The following SCO2 variants were observed in gnomAD, a reference collection of about 807,000 sequenced individuals.
The protein encoded by SCO2 is cytochrome c oxidase assembly factor SCO2.
For missense variants in SCO2, 429 were observed against 348.7 expected, an observed-to-expected ratio of 1.23 and a Z score of -1.83; for synonymous variants, 195 against 148.6, an observed-to-expected ratio of 1.31 and a Z score of -2.27.
At chr22:50,526,359 G>A, upstream of SCO2, 2 of 1,547,708 alleles carry the variant, frequency 1.3e-6, no homozygotes, top group South Asian at 1.2e-5. Flanking sequence ...CACGCCCTGC[G>A]CCGCCAGCAT....
upstream of SCO2, chr22:50,526,119 C>T (rs2069356155): frequency 4.0e-6 from 6 of 1,487,662 alleles, no homozygotes; most frequent in Admixed American, 2.2e-5. Context: ...CCAGCGGCAG[C>T]GCCCGGACCA....
intron 1 of SCO2, chr22:50,524,649 C>T (rs1386757352): frequency 1.1e-5 from 8 of 700,224 alleles, no homozygotes; most frequent in Non-Finnish European, 2.1e-5. Context: ...GATCACCAGC[C>T]TGTCACCGCA....
At chr22:50,526,034 G>A, upstream of SCO2, 2 of 1,478,158 alleles carry the variant, frequency 1.4e-6, no homozygotes, top group Non-Finnish European at 1.8e-6. Flanking sequence ...TCGACCAGCA[G>A]CTCTGCGCCC....
chr22:50,524,424 C>T lies in SCO2; in HGVS notation c.-13G>A. The T allele has an allele frequency of 1.2e-6, 2 of 1,609,098 alleles. No homozygotes were observed. The highest frequency in any genetic ancestry group is 1.1e-5 in the South Asian group (1 of 90,986). ...TCAGCAGCAGCATGGATCTGATGCT[C>T]CTGGAAACAAGCACAGGCGTCAGGA... On this transcript the variant is annotated splice_region_variant and 5_prime_UTR_variant, in exon 2 of 2. Coordinates refer to ENST00000395693, the MANE Select transcript of SCO2 (RefSeq NM_005138.3).
chr22:50,525,647 G>A (rs1053590877), upstream of SCO2: 5 of 1,429,654 alleles, frequency 3.5e-6, no homozygotes, highest in African/African-American at 5.7e-5. Flanking sequence ...CAGGCTCTCA[G>A]CGCGTGCGCG....
Position 50,525,529 on chromosome 22 carries a change from C to T in SCO2, c.-71G>A. ...CACGAGAGGAAGCGCCGACCTCCAG[C>T]TCCCTGCGCTCTGCCCCGCCGGCTC... On this transcript the variant is annotated 5_prime_UTR_variant, in exon 1 of 2. Coordinates refer to ENST00000395693, the MANE Select transcript of SCO2 (RefSeq NM_005138.3). The T allele has an allele frequency of 1.7e-6, 1 of 596,594 alleles. No individual in the cohort carries two copies. Among genetic ancestry groups the T allele is most frequent in the Non-Finnish European group, 2.9e-6 (1 of 348,108 alleles). 37.0% of individuals were successfully genotyped at this position (596,594 alleles called of 1,614,324 possible).
chr22:50,526,312 G>T, upstream of SCO2: 2 of 1,560,276 alleles, frequency 1.3e-6, no homozygotes, highest in Non-Finnish European at 1.7e-6. Flanking sequence ...CGTTCTGCGG[G>T]ACTTCCCGAG....
intron 1 of SCO2, among the ~76,000 whole-genome samples, chr22:50,525,256 C>G (rs1468022199): frequency 6.6e-6 from 1 of 152,246 alleles, no homozygotes; most frequent in Admixed American, 6.5e-5. Context: ...CAGGACCACT[C>G]GAAGCGCCGC....
chr22:50,525,143 C>A (rs1205813054), intron 1 of SCO2, among the ~76,000 whole-genome samples: 2 of 152,256 alleles, frequency 1.3e-5, no homozygotes, highest in Non-Finnish European at 2.9e-5. Flanking sequence ...CTGCCCCCTC[C>A]TGCTGAGGGC....
At position 50,524,258 on chromosome 22, in the gene SCO2, G is replaced by C. The variant is rs768180608; in HGVS notation, c.154C>G (p.Pro52Ala). 6 of 1,604,894 alleles carry C rather than the reference G, an allele frequency of 3.7e-6. No individual in the cohort carries two copies. The highest frequency in any genetic ancestry group is 1.3e-5 in the African/African-American group (1 of 75,026). ...GPAETGGQGQ[P>A]QGPGLRTRLL... is the part of the protein sequence containing the mutation. Reference sequence around the variant, plus strand: ...CGGGTTCGAAGCCCAGGGCCCTGGGGCTGGCCCTGCCCACCTGTCTCTGCA... The same window carrying C: ...CGGGTTCGAAGCCCAGGGCCCTGGGCCTGGCCCTGCCCACCTGTCTCTGCA... The change falls in exon 2 of 2, where the codon CCC becomes GCC. Residue 52 changes from proline (P) to alanine (A), a missense_variant. Coordinates refer to ENST00000395693, the MANE Select transcript of SCO2 (RefSeq NM_005138.3).
chr22:50,524,614 C>A (rs752455267), intron 1 of SCO2, 190 bp from the exon 2 acceptor site: 4 of 711,998 alleles, frequency 5.6e-6, no homozygotes, highest in African/African-American at 1.7e-5. Context: ...GGCAACCACA[C>A]CTGTCACTCC....
chr22:50,525,938 T>TA (rs1412857597), upstream of SCO2: 7 of 1,435,218 alleles, frequency 4.9e-6, no homozygotes, highest in Non-Finnish European at 6.4e-6. Flanking sequence ...GAGGGGCTGT[T>TA]AGAGGCCGCG....
At chr22:50,526,297 G>A, upstream of SCO2, 1 of 1,554,882 alleles carries the variant, frequency 6.4e-7, no homozygotes, top group East Asian at 2.5e-5. Context: ...GGCAGCAGCT[G>A]CCGGCGTTCT....
At chr22:50,525,701 C>G (rs900419421), upstream of SCO2, 52 of 1,566,570 alleles carry the variant, frequency 3.3e-5, 1 homozygote, top group Admixed American at 5.7e-5. Context: ...CGAGACGGCC[C>G]CCGCCTCCGC....
Position 50,524,442 on chromosome 22 carries a change from C to A in SCO2, c.-13-18G>T. 1 of 1,607,064 alleles carries A rather than the reference C, an allele frequency of 6.2e-7. No homozygotes were observed. Among genetic ancestry groups the A allele is most frequent in the East Asian group, 2.2e-5 (1 of 44,622 alleles). On this transcript the variant is annotated intron_variant, in intron 1 of 1. Coordinates refer to ENST00000395693, the MANE Select transcript of SCO2 (RefSeq NM_005138.3). ...TGATGCTCCTGGAAACAAGCACAGG[C>A]GTCAGGAGCCAGAAGGGAAGGCCCA...
chr22:50,524,053 C>CG lies in SCO2; in HGVS notation c.358dup (p.Arg120ProfsTer16), dbSNP rs763990034. On this transcript the variant is annotated frameshift_variant, in exon 2 of 2. Coordinates refer to ENST00000395693, the MANE Select transcript of SCO2 (RefSeq NM_005138.3). LOFTEE classifies it low-confidence loss of function (END_TRUNC). ...AAAGTACATCAGCACCCACTGGCCC[C>CG]GGAAGTCAGCCTTGCAGCGAGCCCG... The CG allele has an allele frequency of 6.2e-7, 1 of 1,613,296 alleles. No individual in the cohort carries two copies. The highest frequency in any genetic ancestry group is 1.3e-5 in the African/African-American group (1 of 74,924).
chr22:50,524,083 CTG>C lies in SCO2; in HGVS notation c.327_328del (p.His109GlnfsTer9), dbSNP rs1403421269. 9.9e-6 allele frequency: 16 copies of C among 1,613,210 alleles called. No individual in the cohort carries two copies. The highest frequency in any genetic ancestry group is 1.4e-5 in the Non-Finnish European group (16 of 1,180,014). On this transcript the variant is annotated frameshift_variant, in exon 2 of 2. Transcript: ENST00000395693. LOFTEE classifies it low-confidence loss of function (END_TRUNC). ...GTCAGCCTTGCAGCGAGCCCGGCCT[CTG>C]TGATCCAGCAGGTGGAAGTCGCCCT...
Position 50,523,912 on chromosome 22 carries a change from A to C in SCO2, c.500T>G (p.Val167Gly), listed in dbSNP as rs551555892. ...TTCAACGTCGTCCCGCTCGGGGTCC[A>C]CAGTGATGAAGACAGGCTGCACTGG... The part of the protein sequence containing the change: ...LPPVQPVFIT[V>G]DPERDDVEAM... Residue 167 changes from valine (V) to glycine (G), a missense_variant, in exon 2 of 2, where the codon GTG (valine) becomes GGG (glycine). Val to Gly is a moderately radical substitution (Grantham distance 109). Transcript: ENST00000395693. 16 of 1,613,584 alleles carry C rather than the reference A, an allele frequency of 9.9e-6. No individual in the cohort carries two copies. Among genetic ancestry groups the C allele is most frequent in the Non-Finnish European group, 1.3e-5 (15 of 1,179,940 alleles).
At chr22:50,526,138 G>A (rs1355825564), upstream of SCO2, 1 of 1,485,346 alleles carries the variant, frequency 6.7e-7, no homozygotes, top group African/African-American at 1.5e-5. Context: ...CAGCTCCACG[G>A]TGCCTGCGGG....
Sources: gnomAD v4.1 joint callset for allele counts (sites outside exome capture counted in the v4.1 genomes callset) on GRCh38, gnomAD v4.1.1 for gene constraint, MANE v1.5 for transcripts, NCBI Gene and HGNC (gene_info 2026-07-23, HGNC 2026-07-21) for gene names.